KIFAP3: variants seen among roughly 807,000 people sequenced by gnomAD.
KIFAP3 encodes kinesin-associated protein 3.
KIFAP3 carries 68 observed loss-of-function variants against 106.5 expected under a neutral mutation model. The observed-to-expected ratio is 0.64, with a 90% CI of 0.53 to 0.78. KIFAP3 has a LOEUF of 0.78. Ranked by LOEUF, KIFAP3 falls within the 30% of genes least tolerant of loss-of-function variation. The pLI is 0.00. For missense variants in KIFAP3, 780 were observed against 941.8 expected (o/e 0.83, Z 2.25); for synonymous variants, 320 against 311.5 (o/e 1.03, Z -0.29).
At chr1:170,021,061 T>C (rs1053807046) in intron 9 of KIFAP3, among the ~76,000 whole-genome samples, 1 of 152,064 alleles carries the variant, frequency 6.6e-6, no homozygotes, top group Non-Finnish European at 1.5e-5. Flanking sequence ...AAAGTGAAAA[T>C]ACTTGCAAAA....
intron 18 of KIFAP3, among the ~76,000 whole-genome samples, chr1:169,954,809 G>A (rs950848440): frequency 1.3e-5 from 2 of 151,934 alleles, no homozygotes; most frequent in Non-Finnish European, 1.5e-5. Context: ...GATTACCTAC[G>A]CTAAATAGTT....
At chr1:169,982,594 G>A in intron 14 of KIFAP3, 108 bp downstream of exon 14, 1 of 654,226 alleles carries the variant, frequency 1.5e-6, no homozygotes, top group Non-Finnish European at 2.4e-6. Flanking sequence ...GAGAAGAAAT[G>A]GCTTTTCCTA....
At chr1:170,009,885 C>G (rs1287995714) in intron 10 of KIFAP3, among the ~76,000 whole-genome samples, 2 of 152,076 alleles carry the variant, frequency 1.3e-5, no homozygotes, top group African/African-American at 2.4e-5. Context: ...AATCTTTAAA[C>G]ACTTTTAAAA....
intron 19 of KIFAP3, among the ~76,000 whole-genome samples, chr1:169,933,093 T>A (rs569577042): frequency 6.6e-6 from 1 of 152,156 alleles, no homozygotes; most frequent in South Asian, 2.1e-4. Context: ...TGCATCTTTT[T>A]AAACAGCTAA....
intron 13 of KIFAP3, among the ~76,000 whole-genome samples, 158 bp downstream of exon 13, chr1:169,983,112 G>T (rs967971125): frequency 2.6e-5 from 4 of 151,850 alleles, no homozygotes; most frequent in African/African-American, 9.7e-5. Context: ...TTGAAACATA[G>T]GTTGAGATTT....
At chr1:170,004,255 A>C (rs937731805) in intron 10 of KIFAP3, among the ~76,000 whole-genome samples, 33 of 152,216 alleles carry the variant, frequency 2.2e-4, no homozygotes, top group African/African-American at 7.0e-4. Flanking sequence ...TAGGAAGAAT[A>C]AATATTGTGA....
chr1:169,929,853 T>A (rs947208516), intron 19 of KIFAP3, among the ~76,000 whole-genome samples: 1 of 152,112 alleles, frequency 6.6e-6, no homozygotes, highest in African/African-American at 2.4e-5. Context: ...TTGAAGGACA[T>A]CTGTCAGTTC....
intron 7 of KIFAP3, among the ~76,000 whole-genome samples, chr1:170,033,016 A>G (rs1181019078): frequency 6.6e-6 from 1 of 151,728 alleles, no homozygotes; most frequent in South Asian, 2.1e-4. Context: ...GGTTCCCTCC[A>G]TACTTCTCCA....
intron 1 of KIFAP3, 86 bp downstream of exon 1, chr1:170,074,350 T>C (rs1399201782): frequency 7.3e-7 from 1 of 1,363,816 alleles, no homozygotes; most frequent in Non-Finnish European, 1.0e-6. Flanking sequence ...TAAACTAGCG[T>C]TGCCCAGTGA....
chr1:170,059,063 A>G (rs1027048737), intron 1 of KIFAP3, among the ~76,000 whole-genome samples: 2 of 152,222 alleles, frequency 1.3e-5, no homozygotes, highest in Non-Finnish European at 2.9e-5. Flanking sequence ...CACAAGAGTA[A>G]GCAGGAAAGA....
intron 19 of KIFAP3, among the ~76,000 whole-genome samples, chr1:169,930,110 A>G (rs1663379514): frequency 6.6e-6 from 1 of 152,210 alleles, no homozygotes; most frequent in African/African-American, 2.4e-5. Context: ...TTTAGTGATT[A>G]TATTTTAATG....
chr1:169,928,420 T>A (rs1457003192), intron 19 of KIFAP3, among the ~76,000 whole-genome samples: 1 of 151,904 alleles, frequency 6.6e-6, no homozygotes, highest in Admixed American at 6.6e-5. Context: ...TTTAAAATAG[T>A]TTTTTTAGGC....
chr1:169,953,125 T>C (rs1664814512), intron 19 of KIFAP3, among the ~76,000 whole-genome samples: 1 of 152,148 alleles, frequency 6.6e-6, no homozygotes, highest in Non-Finnish European at 1.5e-5. Context: ...CCTCTAGGAA[T>C]GATATGAAGA....
intron 17 of KIFAP3, among the ~76,000 whole-genome samples, chr1:169,962,702 T>C (rs146400841): frequency 9.3e-4 from 141 of 152,314 alleles, no homozygotes; most frequent in African/African-American, 3.3e-3. Flanking sequence ...TTCTGGGATA[T>C]AAAAATAAAA....
intron 17 of KIFAP3, among the ~76,000 whole-genome samples, chr1:169,964,572 T>C (rs1306070947): frequency 1.3e-5 from 2 of 152,186 alleles, no homozygotes; most frequent in Non-Finnish European, 2.9e-5. Context: ...AAGTAGCTTC[T>C]GGTCTGGTAA....
intron 2 of KIFAP3, among the ~76,000 whole-genome samples, chr1:170,047,558 TTG>T (rs1017928108): frequency 1.4e-5 from 2 of 147,104 alleles, no homozygotes; most frequent in Admixed American, 6.9e-5. Context: ...GAGGCAGAGG[TTG>T]CAGTGAGCTG....
chr1:170,062,735 C>T (rs1367306071), intron 1 of KIFAP3, among the ~76,000 whole-genome samples: 1 of 152,004 alleles, frequency 6.6e-6, no homozygotes, highest in Non-Finnish European at 1.5e-5. Flanking sequence ...CATCTGGAAC[C>T]AGTATGTACC....
intron 2 of KIFAP3, among the ~76,000 whole-genome samples, chr1:170,052,981 A>G (rs1462628390): frequency 6.6e-6 from 1 of 152,214 alleles, no homozygotes; most frequent in Non-Finnish European, 1.5e-5. Context: ...TAGTATTGGA[A>G]GTTCTGGCCA....
chr1:170,028,181 A>G (rs1380769460), intron 8 of KIFAP3, among the ~76,000 whole-genome samples: 1 of 127,946 alleles, frequency 7.8e-6, no homozygotes, highest in East Asian at 2.3e-4. Context: ...AAAGAAAATG[A>G]CAGCACACAG....
Sources: gnomAD v4.1 joint callset for allele counts (sites outside exome capture counted in the v4.1 genomes callset) on GRCh38, gnomAD v4.1.1 for gene constraint, MANE v1.5 for transcripts, NCBI Gene and HGNC (gene_info 2026-07-23, HGNC 2026-07-21) for gene names.